The following RBFOX1 variants were observed in gnomAD, a reference collection of about 807,000 sequenced individuals.
RBFOX1 encodes RNA binding fox-1 homolog 1, also known as RNA binding protein fox-1 homolog 1.
RBFOX1 carries 8 observed loss-of-function variants against 57.7 expected under a neutral mutation model. The ratio of observed to expected loss-of-function variants is 0.14; its 90% CI spans 0.08 to 0.25. The LOEUF (loss-of-function observed/expected upper bound fraction) is 0.25. Ranked by LOEUF, RBFOX1 falls within the 10% of genes least tolerant of loss-of-function variation. The pLI, the probability that RBFOX1 is intolerant of heterozygous loss-of-function variation, is 1.00. For missense variants in RBFOX1, 611 were observed against 548.5 expected (o/e 1.11, Z -1.14); for synonymous variants, 326 against 222.4 (o/e 1.47, Z -4.15).
intron 1 of RBFOX1, among the ~76,000 whole-genome samples, chr16:6,266,824 T>C (rs1035165059): frequency 6.6e-6 from 1 of 152,196 alleles, no homozygotes; most frequent in Non-Finnish European, 1.5e-5. Flanking sequence ...TGTGTTCCCA[T>C]GGCATTCCCT....
At chr16:6,534,680 C>G (rs148199424) in intron 2 of RBFOX1, among the ~76,000 whole-genome samples, 1 of 152,118 alleles carries the variant, frequency 6.6e-6, no homozygotes, top group Non-Finnish European at 1.5e-5. Context: ...TATAAAAGTA[C>G]TTGCTTCCTT....
At chr16:6,978,507 C>T (rs1158833071) in intron 3 of RBFOX1, among the ~76,000 whole-genome samples, 1 of 152,292 alleles carries the variant, frequency 6.6e-6, no homozygotes, top group South Asian at 2.1e-4. Context: ...CTCCATTTTA[C>T]AGAAAGGGAA....
chr16:5,642,028 C>G (rs567140518), intron 3 of RBFOX1, among the ~76,000 whole-genome samples: 5 of 152,262 alleles, frequency 3.3e-5, no homozygotes, highest in South Asian at 2.1e-4. Flanking sequence ...CTGCTGGTAT[C>G]TGGACCACAC....
intron 4 of RBFOX1, among the ~76,000 whole-genome samples, chr16:7,470,011 G>C (rs1224864719): frequency 7.3e-6 from 1 of 136,260 alleles, no homozygotes; most frequent in Admixed American, 7.3e-5. Flanking sequence ...GCTACAGCAT[G>C]GGTCAGTTTT....
At chr16:6,322,669 G>T (rs558361722) in intron 2 of RBFOX1, among the ~76,000 whole-genome samples, 4 of 152,214 alleles carry the variant, frequency 2.6e-5, no homozygotes, top group Non-Finnish European at 5.9e-5. Flanking sequence ...GGTATTGAAA[G>T]AGAAACAACA....
intron 3 of RBFOX1, among the ~76,000 whole-genome samples, chr16:6,974,183 C>T (rs115488459): frequency 0.07 from 10,692 of 152,004 alleles, 443 homozygotes; most frequent in South Asian, 0.18. Flanking sequence ...TCTATCATTG[C>T]TGAGCATTTG....
At position 6,773,871 on chromosome 16, in the gene RBFOX1, C is replaced by G. The variant is rs1396950220; in HGVS notation, c.-16+119221C>G. On this transcript the variant is annotated intron_variant, in intron 3 of 15. Coordinates refer to ENST00000550418, the MANE Select transcript of RBFOX1 (RefSeq NM_018723.4). The stretch of plus-strand genomic sequence containing the variant: ...TGTATATATGTGTGGATGTAGGGTG[C>G]GTTTGTCTGTGTGTATTTGTGTGGG... 4 of 784,782 alleles carry G rather than the reference C, an allele frequency of 5.1e-6. No homozygotes were observed. The African/African-American group carries it at 7.7e-5, about 15-fold the overall frequency. The allele number at this position is 784,782 out of a possible 1,614,324, so 48.6% of individuals were successfully genotyped here.
At chr16:5,859,638 A>T (rs1159315409) in intron 3 of RBFOX1, among the ~76,000 whole-genome samples, 1 of 152,180 alleles carries the variant, frequency 6.6e-6, no homozygotes, top group Non-Finnish European at 1.5e-5. Context: ...TGTGACAGGG[A>T]GGATAAAACT....
At chr16:6,558,295 A>C (rs760865198) in intron 2 of RBFOX1, among the ~76,000 whole-genome samples, 2 of 152,122 alleles carry the variant, frequency 1.3e-5, no homozygotes, top group Non-Finnish European at 2.9e-5. Flanking sequence ...AATCGAGAAT[A>C]AGAAAGAGGC....
chr16:7,364,669 A>C (rs924945126), intron 4 of RBFOX1, among the ~76,000 whole-genome samples: 1 of 151,362 alleles, frequency 6.6e-6, no homozygotes, highest in African/African-American at 2.4e-5. Flanking sequence ...CTTTTCTTCT[A>C]TCTGAATGAT....
chr16:6,731,809 T>C (rs956087692), intron 3 of RBFOX1, among the ~76,000 whole-genome samples: 1 of 152,184 alleles, frequency 6.6e-6, no homozygotes, highest in African/African-American at 2.4e-5. Flanking sequence ...TGCTGTTTCC[T>C]ACCTTCCAAA....
chr16:5,572,089 C>T (rs768422771), intron 2 of RBFOX1, among the ~76,000 whole-genome samples: 4 of 152,132 alleles, frequency 2.6e-5, no homozygotes, highest in Non-Finnish European at 5.9e-5. Context: ...CAGGTGTTTG[C>T]TCTTTCCCTT....
chr16:6,098,886 G>A (rs561865377), intron 1 of RBFOX1, among the ~76,000 whole-genome samples: 59 of 152,318 alleles, frequency 3.9e-4, no homozygotes, highest in African/African-American at 1.3e-3. Flanking sequence ...AAATAATTGG[G>A]AGGGATGTGG....
intron 3 of RBFOX1, among the ~76,000 whole-genome samples, chr16:5,816,353 A>C (rs1269878373): frequency 6.6e-6 from 1 of 152,208 alleles, no homozygotes; most frequent in South Asian, 2.1e-4. Flanking sequence ...TTGGATTCTT[A>C]CTGTCTGAAG....
intron 3 of RBFOX1, among the ~76,000 whole-genome samples, chr16:6,972,139 A>G (rs1342517650): frequency 6.6e-6 from 1 of 152,194 alleles, no homozygotes; most frequent in Non-Finnish European, 1.5e-5. Context: ...ACCATTTGTA[A>G]GAATATAGTT....
At chr16:6,485,990 C>G (rs368782272) in intron 2 of RBFOX1, among the ~76,000 whole-genome samples, 2 of 140,750 alleles carry the variant, frequency 1.4e-5, no homozygotes, top group Admixed American at 1.4e-4. Context: ...CCTTTTTGCT[C>G]TTAAAAAGGA....
intron 4 of RBFOX1, among the ~76,000 whole-genome samples, chr16:7,192,154 A>G (rs1464081710): frequency 1.3e-5 from 2 of 152,230 alleles, no homozygotes; most frequent in African/African-American, 4.8e-5. Flanking sequence ...TAGGTAGTAG[A>G]AGGAATTCGC....
intron 13 of RBFOX1, among the ~76,000 whole-genome samples, chr16:7,669,192 C>G (rs1304445936): frequency 6.6e-6 from 1 of 152,170 alleles, no homozygotes; most frequent in Non-Finnish European, 1.5e-5. Context: ...GTGTGACCCA[C>G]CATGACTGAC....
At chr16:6,983,710 G>C (rs1460415995) in intron 3 of RBFOX1, 1 of 152,394 alleles carries the variant, frequency 6.6e-6, no homozygotes, top group Non-Finnish European at 1.5e-5. Context: ...TGCATCTCTA[G>C]GCTTGAAGGT....
Sources: allele counts gnomAD v4.1 joint callset (sites outside exome capture counted in the v4.1 genomes callset), GRCh38; gene constraint gnomAD v4.1.1; transcripts MANE v1.5; gene names NCBI Gene and HGNC (gene_info 2026-07-23, HGNC 2026-07-21).